ME2: variants seen among roughly 807,000 people sequenced by gnomAD.
ME2 encodes NAD-dependent malic enzyme, mitochondrial.
In ME2, 60 loss-of-function variants were observed where a neutral mutation model predicts 73.7. That is an observed-to-expected ratio of 0.81 (90% CI 0.66 to 1.01). The LOEUF (loss-of-function observed/expected upper bound fraction) is 1.01. ME2 is among the 50% of genes least tolerant of loss of function. ME2 has a pLI of 0.00. For missense variants in ME2, 594 were observed against 705.5 expected (o/e 0.84, Z 1.79); for synonymous variants, 199 against 236.9 (o/e 0.84, Z 1.47).
chr18:50,900,195 T>C (rs939613689), intron 2 of ME2, among the ~76,000 whole-genome samples: 1 of 151,844 alleles, frequency 6.6e-6, no homozygotes, highest in Non-Finnish European at 1.5e-5. Flanking sequence ...TCTTACAAAG[T>C]CTTAAAAATT....
At chr18:50,932,889 C>T (rs1917731969) in intron 13 of ME2, 1 of 152,518 alleles carries the variant, frequency 6.6e-6, no homozygotes, top group Non-Finnish European at 1.5e-5. Flanking sequence ...CTCCTGACCT[C>T]AGGTGTTCTG....
At chr18:50,901,986 A>G (rs1186191013) in intron 2 of ME2, among the ~76,000 whole-genome samples, 1 of 152,230 alleles carries the variant, frequency 6.6e-6, no homozygotes, top group East Asian at 1.9e-4. Context: ...TCTTTTCAAG[A>G]TGTAAGATTG....
chr18:50,880,140 A>C (rs1367996341), intron 1 of ME2, among the ~76,000 whole-genome samples: 1 of 152,252 alleles, frequency 6.6e-6, no homozygotes. Context: ...CGATAACAAT[A>C]GTAGCATGTA....
intron 1 of ME2, among the ~76,000 whole-genome samples, chr18:50,886,166 T>TAAA (rs1568157234): frequency 0.025 from 2,620 of 103,152 alleles, 72 homozygotes; most frequent in African/African-American, 0.069. Context: ...AATTTAAAAT[T>TAAA]TAAAAAAAAA....
intron 1 of ME2, among the ~76,000 whole-genome samples, chr18:50,894,864 G>A (rs369077311): frequency 4.1e-5 from 6 of 147,260 alleles, no homozygotes; most frequent in African/African-American, 7.6e-5. Flanking sequence ...GCAACAGAGC[G>A]AGACTCCATC....
Position 50,916,207 on chromosome 18 carries a change from A to C in ME2, c.432A>C (p.Arg144Ser), listed in dbSNP as rs1917280060. The change falls in exon 5 of 16, where the codon AGA (arginine) becomes AGC (serine). Residue 144 changes from arginine to serine, a missense_variant. Physicochemically the swap from Arg to Ser is moderately radical, Grantham distance 110 (BLOSUM62 -1). Transcript: ENST00000321341. The stretch of plus-strand genomic sequence containing the variant: ...CGATCTCAGACAGAGGTCATGTTAG[A>C]TCAATTGTGGATAACTGGCCAGAAA... Reference protein sequence around the residue: ...FISISDRGHVRSIVDNWPENH... With the variant: ...FISISDRGHVSSIVDNWPENH... 1 of 1,612,846 alleles carries C rather than the reference A, an allele frequency of 6.2e-7. No individual in the cohort carries two copies. The highest frequency in any genetic ancestry group is 8.5e-7 in the Non-Finnish European group (1 of 1,179,370).
Position 50,946,985 on chromosome 18 carries a change from G to C in ME2, c.1588-32G>C, listed in dbSNP as rs1374968999. 4 of 1,539,872 alleles carry C rather than the reference G, an allele frequency of 2.6e-6. No homozygotes were observed. In the African/African-American group the frequency reaches 5.5e-5, roughly 21 times the overall value. On this transcript the variant is annotated intron_variant, in intron 15 of 15. Transcript: ENST00000321341. The stretch of plus-strand genomic sequence containing the variant: ...TGTCTCTCTAATAGGTTAATACTCA[G>C]AGCCTACACAATAACCTTACTTATT...
Position 50,920,441 on chromosome 18 carries a change from T to TTTTGCTG in ME2, c.735-11_735-5dup. 1 of 1,538,238 alleles carries TTTTGCTG rather than the reference T, an allele frequency of 6.5e-7. No individual in the cohort carries two copies. The highest frequency in any genetic ancestry group is 8.9e-7 in the Non-Finnish European group (1 of 1,126,182). On this transcript the variant is annotated splice_polypyrimidine_tract_variant and intron_variant, in intron 7 of 15. Coordinates refer to ENST00000321341, the MANE Select transcript of ME2 (RefSeq NM_002396.5). The stretch of plus-strand genomic sequence containing the variant: ...TTATTTTCAACACAACTATTGTGGG[T>TTTTGCTG]TTTGCTGTTTTTAGATATGGCCGGA...
At chr18:50,933,708 A>G (rs901692275) in intron 13 of ME2, 2 of 151,750 alleles carry the variant, frequency 1.3e-5, no homozygotes, top group Non-Finnish European at 1.5e-5. Context: ...AAGGTTTGTT[A>G]TATAGGTAAA....
intron 4 of ME2, among the ~76,000 whole-genome samples, chr18:50,914,338 A>G (rs1206115750): frequency 6.6e-6 from 1 of 152,184 alleles, no homozygotes; most frequent in Non-Finnish European, 1.5e-5. Flanking sequence ...GATAGAGAGA[A>G]ACTTAGAAAT....
intron 2 of ME2, among the ~76,000 whole-genome samples, chr18:50,900,443 T>C (rs180741295): frequency 0.011 from 1,739 of 151,796 alleles, 45 homozygotes; most frequent in African/African-American, 0.038. Flanking sequence ...TACAGGCGCC[T>C]GCCACCATGC....
intron 13 of ME2, among the ~76,000 whole-genome samples, chr18:50,937,083 G>A (rs1917835648): frequency 6.6e-6 from 1 of 151,372 alleles, no homozygotes; most frequent in African/African-American, 2.4e-5. Flanking sequence ...GAAAAAAGAG[G>A]AAAAGGAACA....
At chr18:50,920,096 A>G (rs899402834) in intron 7 of ME2, among the ~76,000 whole-genome samples, 1 of 152,110 alleles carries the variant, frequency 6.6e-6, no homozygotes, top group African/African-American at 2.4e-5. Context: ...TATTTAATAT[A>G]TACTTTCTTG....
At chr18:50,946,995 A>T in intron 15 of ME2, 22 bp from the exon 16 acceptor site, 4 of 1,585,220 alleles carry the variant, frequency 2.5e-6, no homozygotes, top group Non-Finnish European at 3.5e-6. Flanking sequence ...GAGCCTACAC[A>T]ATAACCTTAC....
At chr18:50,893,124 C>CAAAAAAAAAAAAAAAAAAAAAAA (rs56104427) in intron 1 of ME2, among the ~76,000 whole-genome samples, 7 of 78,092 alleles carry the variant, frequency 9.0e-5, no homozygotes, top group Non-Finnish European at 1.2e-4. Flanking sequence ...GACTCTATCT[C>CAAAAAAAAAAAAAAAAAAAAAAA]AAAAAAAAAA....
At chr18:50,907,733 C>A (rs920231784) in intron 2 of ME2, among the ~76,000 whole-genome samples, 4 of 152,096 alleles carry the variant, frequency 2.6e-5, no homozygotes, top group African/African-American at 7.2e-5. Flanking sequence ...TTTGTATATG[C>A]CTTTGTGTGC....
intron 1 of ME2, among the ~76,000 whole-genome samples, chr18:50,889,855 C>T (rs1003847554): frequency 2.3e-4 from 35 of 152,144 alleles, no homozygotes; most frequent in African/African-American, 3.1e-4. Flanking sequence ...TAATATGTTT[C>T]GCTTGGACTT....
chr18:50,945,364 C>T (rs1470046943), intron 15 of ME2: 1 of 152,240 alleles, frequency 6.6e-6, no homozygotes, highest in African/African-American at 2.4e-5. Context: ...AGGTGATCCA[C>T]CTGCCTCAGC....
chr18:50,915,794 C>A, intron 4 of ME2: 1 of 155,684 alleles, frequency 6.4e-6, no homozygotes, highest in East Asian at 1.9e-4. Context: ...TTCAAATTTT[C>A]AGTTTCAGTA....
Sources: allele counts gnomAD v4.1 joint callset (sites outside exome capture counted in the v4.1 genomes callset), GRCh38; gene constraint gnomAD v4.1.1; transcripts MANE v1.5; gene names NCBI Gene and HGNC (gene_info 2026-07-23, HGNC 2026-07-21).